Variants in SPMIP2 observed in about 807,000 individuals in gnomAD.
The protein encoded by SPMIP2 is sperm microtubule inner protein 2.
At chr4:158,955,714 T>C in the SPMIP2 span, among the ~76,000 whole-genome samples, 1 of 152,188 alleles carries the variant, frequency 6.6e-6, no homozygotes, top group African/African-American at 2.4e-5. Context: ...CCTGAGCCAC[T>C]GCATGCGGCC....
At chr4:159,071,926 A>G in the SPMIP2 span, among the ~76,000 whole-genome samples, 1 of 152,224 alleles carries the variant, frequency 6.6e-6, no homozygotes, top group African/African-American at 2.4e-5. Flanking sequence ...AGGTCCTGCT[A>G]GGAACCTAAC....
chr4:159,067,262 T>C, the SPMIP2 span, among the ~76,000 whole-genome samples: 1 of 152,128 alleles, frequency 6.6e-6, no homozygotes, highest in Non-Finnish European at 1.5e-5. Flanking sequence ...AAAGGAATAA[T>C]TAAATAGAAC....
chr4:158,922,519 T>C, the SPMIP2 span, among the ~76,000 whole-genome samples: 1 of 152,254 alleles, frequency 6.6e-6, no homozygotes, highest in African/African-American at 2.4e-5. Flanking sequence ...GCTGATTAAA[T>C]AAATTGATTT....
At chr4:158,932,444 G>A in the SPMIP2 span, among the ~76,000 whole-genome samples, 2 of 152,156 alleles carry the variant, frequency 1.3e-5, no homozygotes, top group Non-Finnish European at 1.5e-5. Context: ...TCTTCAGCCT[G>A]GGTGACAGAG....
At chr4:159,009,616 T>C in the SPMIP2 span, among the ~76,000 whole-genome samples, 1 of 152,096 alleles carries the variant, frequency 6.6e-6, no homozygotes, top group African/African-American at 2.4e-5. Context: ...GGAAAGGTAA[T>C]CTTATCTTCA....
chr4:158,949,945 A>T, the SPMIP2 span, among the ~76,000 whole-genome samples: 1 of 152,244 alleles, frequency 6.6e-6, no homozygotes, highest in East Asian at 1.9e-4. Flanking sequence ...AAACTGGGGA[A>T]GGTTGTAGTT....
the SPMIP2 span, among the ~76,000 whole-genome samples, chr4:159,009,565 C>T: frequency 6.6e-6 from 1 of 152,126 alleles, no homozygotes; most frequent in African/African-American, 2.4e-5. Context: ...TTATATATTC[C>T]TAGAATCAAC....
chr4:159,021,008 G>A, the SPMIP2 span, among the ~76,000 whole-genome samples: 6 of 152,178 alleles, frequency 3.9e-5, no homozygotes, highest in Admixed American at 1.3e-4. Context: ...TGATCCACCC[G>A]CCTCAGCCGC....
the SPMIP2 span, among the ~76,000 whole-genome samples, chr4:158,909,786 T>C: frequency 6.6e-6 from 1 of 152,104 alleles, no homozygotes; most frequent in African/African-American, 2.4e-5. Flanking sequence ...CTCACGCCTG[T>C]AATCCCAACA....
chr4:159,003,435 C>T, the SPMIP2 span, among the ~76,000 whole-genome samples: 2 of 152,142 alleles, frequency 1.3e-5, no homozygotes, highest in African/African-American at 4.8e-5. Flanking sequence ...ATGTCTAGTC[C>T]TATACCGGAC....
chr4:158,992,569 TG>T, the SPMIP2 span, among the ~76,000 whole-genome samples: 3 of 150,066 alleles, frequency 2.0e-5, no homozygotes, highest in Admixed American at 1.3e-4. Context: ...TGTCTTGGTT[TG>T]TGCTGCTATA....
the SPMIP2 span, among the ~76,000 whole-genome samples, chr4:158,994,710 G>A: frequency 1.8e-4 from 27 of 152,142 alleles, no homozygotes; most frequent in African/African-American, 6.0e-4. Context: ...CTTGTCAGGG[G>A]AATCAAGCCA....
At chr4:158,973,643 G>A in the SPMIP2 span, among the ~76,000 whole-genome samples, 2 of 152,092 alleles carry the variant, frequency 1.3e-5, no homozygotes, top group Non-Finnish European at 2.9e-5. Context: ...AGGCTGATGC[G>A]AAGGTTGGGC....
chr4:159,050,447 G>A, the SPMIP2 span, among the ~76,000 whole-genome samples: 1 of 152,116 alleles, frequency 6.6e-6, no homozygotes, highest in Non-Finnish European at 1.5e-5. Flanking sequence ...ACCATATCCA[G>A]TAACAGCCCA....
chr4:158,921,618 G>T, the SPMIP2 span, among the ~76,000 whole-genome samples: 1 of 152,094 alleles, frequency 6.6e-6, no homozygotes, highest in African/African-American at 2.4e-5. Flanking sequence ...AGCCTGTACA[G>T]CCTGCAGAAC....
the SPMIP2 span, among the ~76,000 whole-genome samples, chr4:158,978,533 T>C: frequency 6.6e-6 from 1 of 152,192 alleles, no homozygotes; most frequent in Admixed American, 6.5e-5. Context: ...TCTAACACAA[T>C]AATAGTGGAA....
chr4:159,022,089 T>C, the SPMIP2 span, among the ~76,000 whole-genome samples: 1 of 152,200 alleles, frequency 6.6e-6, no homozygotes, highest in Non-Finnish European at 1.5e-5. Context: ...GATAGCTACT[T>C]AGCTTGTAAA....
the SPMIP2 span, among the ~76,000 whole-genome samples, chr4:159,016,659 T>A: frequency 6.6e-6 from 1 of 152,240 alleles, no homozygotes; most frequent in African/African-American, 2.4e-5. Flanking sequence ...GCAGCCTAGC[T>A]GCTTCAAGCG....
At chr4:158,910,839 AACTCCT>A in the SPMIP2 span, among the ~76,000 whole-genome samples, 1 of 152,166 alleles carries the variant, frequency 6.6e-6, no homozygotes, top group Admixed American at 6.5e-5. Flanking sequence ...CACAGGAGCC[AACTCCT>A]AAAAATAAAC....
Sources: allele counts gnomAD v4.1 joint callset (sites outside exome capture counted in the v4.1 genomes callset), GRCh38; gene constraint gnomAD v4.1.1; transcripts MANE v1.5; gene names NCBI Gene and HGNC (gene_info 2026-07-23, HGNC 2026-07-21).